Variants in IL16 observed in about 807,000 individuals in gnomAD.
IL16 encodes the protein interleukin 16.
In IL16, 67 loss-of-function variants were observed where a neutral mutation model predicts 110.1. That is an observed-to-expected ratio of 0.61 (90% CI 0.50 to 0.75). The LOEUF (loss-of-function observed/expected upper bound fraction) is 0.75, where lower values mean the gene tolerates loss of function less well. Ranked by LOEUF, IL16 falls within the 30% of genes least tolerant of loss-of-function variation. The probability of loss-of-function intolerance (pLI) is 0.00; values close to 1 mark genes in which losing one functional copy is unlikely to be tolerated. For missense variants in IL16, 1,545 were observed against 1,655.0 expected (o/e 0.93, Z 1.15); for synonymous variants, 689 against 662.9 (o/e 1.04, Z -0.61).
At chr15:81,238,601 T>C (rs1897249236) in intron 2 of IL16, among the ~76,000 whole-genome samples, 1 of 148,880 alleles carries the variant, frequency 6.7e-6, no homozygotes, top group African/African-American at 2.4e-5. Context: ...CTATATCTAT[T>C]GAACACCTCA....
chr15:81,242,033 T>C (rs976419376), intron 2 of IL16, among the ~76,000 whole-genome samples: 1 of 151,970 alleles, frequency 6.6e-6, no homozygotes, highest in African/African-American at 2.4e-5. Context: ...ATTGAATTCC[T>C]GCTGCATCTT....
Position 81,259,775 on chromosome 15 carries a change from T to C in IL16, c.316T>C (p.Ser106Pro). Residue 106 changes from serine (S) to proline (P), a missense_variant, in exon 3 of 19, where the codon TCT becomes CCT. This residue lies in a region of IL16 where 1,185 missense variants were observed against 1,238.8 expected (regional missense o/e 0.96). Coordinates refer to ENST00000683961, the MANE Select transcript of IL16 (RefSeq NM_172217.5). ...AAAGACGGCAATTGTTTTGCAGGAA[T>C]CTTCCACAGCTTCCTCTCGAGAAAA... Reference protein sequence around the residue: ...TCRRIFFMKESSTASSREKPG... With the variant: ...TCRRIFFMKEPSTASSREKPG... 6.2e-7 allele frequency: 1 copy of C among 1,607,918 alleles called. No homozygotes were observed. The highest frequency in any genetic ancestry group is 8.5e-7 in the Non-Finnish European group (1 of 1,174,488).
rs756256051 is a variant in IL16 at position 81,301,318 on chromosome 15, C to G, written c.3150-26C>G. ...CCTCTTTTTAATATTGTTGTTCATA[C>G]TGTGTGTTGTTTCTCCTTATGAAAG... On this transcript the variant is annotated intron_variant, in intron 14 of 18. Transcript: ENST00000683961. 15 of 1,578,904 alleles carry G rather than the reference C, an allele frequency of 9.5e-6. No homozygotes were observed. The South Asian group carries it at 1.7e-4, about 18-fold the overall frequency.
At chr15:81,296,902 G>A (rs752399387) in intron 12 of IL16, 26 bp from the exon 13 acceptor site, 1 of 1,568,008 alleles carries the variant, frequency 6.4e-7, no homozygotes, top group Non-Finnish European at 8.7e-7. Flanking sequence ...GTTTTGACAT[G>A]GTCTCGCTTC....
rs756164939 is a variant in IL16 at position 81,299,551 on chromosome 15, C to A, written c.2225C>A (p.Ala742Asp). 4 of 1,614,060 alleles carry A rather than the reference C, an allele frequency of 2.5e-6. No individual in the cohort carries two copies. The highest frequency in any genetic ancestry group is 2.5e-6 in the Non-Finnish European group (3 of 1,180,050). ...GGCCACATGCCTCTACAGCCCAATG[C>A]CAGCCTGAATGAAGAAGAAGGGACA... ...NHGHMPLQPNASLNEEEGTQG... is the reference protein window; with the variant it reads ...NHGHMPLQPNDSLNEEEGTQG... Residue 742 changes from alanine (A) to aspartate (D), a missense_variant, in exon 14 of 19, where the codon GCC becomes GAC. Ala to Asp is a moderately radical substitution (Grantham distance 126, BLOSUM62 -2). Coordinates refer to ENST00000683961, the MANE Select transcript of IL16 (RefSeq NM_172217.5).
At chr15:81,197,253 G>C in intron 1 of IL16, 101 bp downstream of exon 1, 1 of 723,140 alleles carries the variant, frequency 1.4e-6, no homozygotes, top group Non-Finnish European at 2.0e-6. Context: ...TTGGTTGCTA[G>C]GACGTAACTT....
At chr15:81,278,256 C>G (rs966885979) in intron 6 of IL16, among the ~76,000 whole-genome samples, 5 of 152,110 alleles carry the variant, frequency 3.3e-5, no homozygotes, top group African/African-American at 1.2e-4. Context: ...AGCTGCCAGC[C>G]TGGCCAGGGA....
At chr15:81,277,907 T>C (rs1898986301) in intron 6 of IL16, among the ~76,000 whole-genome samples, 1 of 152,116 alleles carries the variant, frequency 6.6e-6, no homozygotes, top group Non-Finnish European at 1.5e-5. Flanking sequence ...ATTGAACAAA[T>C]TGAAAGAAAG....
chr15:81,279,463 C>T, intron 7 of IL16, 95 bp from the exon 8 acceptor site: 1 of 766,348 alleles, frequency 1.3e-6, no homozygotes, highest in Non-Finnish European at 2.1e-6. Context: ...ATTTCATACA[C>T]ATACACACAC....
intron 1 of IL16, among the ~76,000 whole-genome samples, chr15:81,214,302 G>A (rs922237771): frequency 3.9e-5 from 6 of 152,246 alleles, no homozygotes; most frequent in Admixed American, 6.5e-5. Context: ...AGGACTTCTT[G>A]TAAGGCTGGT....
intron 16 of IL16, 145 bp from the exon 17 acceptor site, chr15:81,305,763 C>T: frequency 1.1e-6 from 1 of 949,644 alleles, no homozygotes; most frequent in South Asian, 1.6e-5. Flanking sequence ...TCTGTGCCAG[C>T]AGCTCCAATC....
At position 81,300,335 on chromosome 15, in the gene IL16, G is replaced by C. The variant is rs147567138; in HGVS notation, c.3009G>C (p.Leu1003=). The stretch of plus-strand genomic sequence containing the variant: ...CATCGGCTGTCATGAAATCCTTGCT[G>C]TGCCTTCCATCTTCTATCTCCTGTG... The part of the protein sequence containing the change: ...QVSSAVMKSL[L]CLPSSISCAQ... The change falls in exon 14 of 19, where the codon CTG becomes CTC. Residue 1003 remains leucine (L), a synonymous_variant. Transcript: ENST00000683961. 1.4e-5 allele frequency: 22 copies of C among 1,614,050 alleles called. No homozygotes were observed. The African/African-American group carries it at 2.8e-4, about 21-fold the overall frequency.
intron 13 of IL16, among the ~76,000 whole-genome samples, chr15:81,299,046 C>T (rs1900129173): frequency 1.3e-5 from 2 of 152,244 alleles, no homozygotes; most frequent in South Asian, 4.1e-4. Flanking sequence ...AGTCAGGAGA[C>T]ACAGGGTCTT....
intron 9 of IL16, among the ~76,000 whole-genome samples, chr15:81,285,102 G>A (rs1303801248): frequency 1.3e-5 from 2 of 150,922 alleles, no homozygotes; most frequent in Non-Finnish European, 2.9e-5. Flanking sequence ...TAAGGTTTAG[G>A]TTGCTATTAA....
At chr15:81,305,881 G>T in intron 16 of IL16, 27 bp from the exon 17 acceptor site, 3 of 1,609,384 alleles carry the variant, frequency 1.9e-6, no homozygotes, top group Non-Finnish European at 2.5e-6. Flanking sequence ...TGTGATTTCT[G>T]GTCCTGACTT....
intron 5 of IL16, 130 bp downstream of exon 5, chr15:81,269,778 G>C: frequency 1.5e-6 from 1 of 648,310 alleles, no homozygotes; most frequent in Non-Finnish European, 2.8e-6. Context: ...ACAAACACAA[G>C]AGTGGCTAGT....
At chr15:81,225,246 C>T in intron 1 of IL16, 53 bp from the exon 2 acceptor site, 3 of 1,410,146 alleles carry the variant, frequency 2.1e-6, no homozygotes, top group Non-Finnish European at 2.8e-6. Flanking sequence ...GTGTGCAGCT[C>T]CACTTGTCAG....
intron 8 of IL16, 124 bp from the exon 9 acceptor site, chr15:81,282,515 G>A: frequency 2.7e-6 from 2 of 740,990 alleles, no homozygotes; most frequent in Non-Finnish European, 4.8e-6. Context: ...CGACTACTCT[G>A]TGAATACGGG....
intron 1 of IL16, chr15:81,188,217 T>C (rs1566986637): frequency 4.8e-6 from 2 of 415,688 alleles, no homozygotes; most frequent in Non-Finnish European, 4.8e-6. Context: ...CAGCACAAAA[T>C]AGATTGCAGG....
Sources: gnomAD v4.1 joint callset for allele counts (sites outside exome capture counted in the v4.1 genomes callset) on GRCh38, gnomAD v4.1.1 for gene constraint, gnomAD v4.1.1 regional missense constraint, MANE v1.5 for transcripts, NCBI Gene and HGNC (gene_info 2026-07-23, HGNC 2026-07-21) for gene names.